DERA: variants seen among roughly 807,000 people sequenced by gnomAD.
DERA encodes deoxyribose-phosphate aldolase.
DERA carries 15 observed loss-of-function variants against 41.1 expected under a neutral mutation model. The ratio of observed to expected loss-of-function variants is 0.37; its 90% CI spans 0.24 to 0.56. DERA has a LOEUF of 0.56. Ranked by LOEUF, DERA falls within the 20% of genes least tolerant of loss-of-function variation. The pLI is 0.81. For synonymous variants in DERA, 139 were observed against 137.4 expected (o/e 1.01, Z -0.08); for missense variants, 396 against 403.4 (o/e 0.98, Z 0.16).
intron 6 of DERA, among the ~76,000 whole-genome samples, chr12:15,987,893 C>T (rs1299068567): frequency 2.6e-5 from 4 of 152,110 alleles, no homozygotes; most frequent in East Asian, 1.9e-4. Context: ...AAGCCAGGCG[C>T]GGAGTGGCAA....
Position 16,004,204 on chromosome 12 carries a change from T to C in DERA, c.637+21768T>C, listed in dbSNP as rs1948894411. 1.3e-5 allele frequency among the ~76,000 whole-genome samples: 2 copies of C among 152,252 alleles called. No individual in the cohort carries two copies. Among genetic ancestry groups the C allele is most frequent in the African/African-American group, 4.8e-5 (2 of 41,466 alleles). On this transcript the variant is annotated intron_variant, in intron 6 of 8. Transcript: ENST00000428559. This position sits in a 1 kb window ranked among gnomAD's most constrained non-coding sequence, Gnocchi z 4.2. Reference sequence around the variant, plus strand: ...GTAGAAAATATAATTGGTTTATCTTTGTAGTCAAATAGCAATTTCATATAT... The same window carrying C: ...GTAGAAAATATAATTGGTTTATCTTCGTAGTCAAATAGCAATTTCATATAT...
chr12:16,032,676 T>C, intron 7 of DERA, 22 bp downstream of exon 7: 1 of 1,383,264 alleles, frequency 7.2e-7, no homozygotes, highest in Non-Finnish European at 1.0e-6. Flanking sequence ...CCAGCAAATC[T>C]TTCTTCAGAG....
chr12:16,017,312 C>T lies in DERA; in HGVS notation c.638-15230C>T, dbSNP rs1009788545. Among the ~76,000 whole-genome samples, 1 of 152,164 alleles carries T rather than the reference C, an allele frequency of 6.6e-6. No individual in the cohort carries two copies. The highest frequency in any genetic ancestry group is 2.4e-5 in the African/African-American group (1 of 41,428). On this transcript the variant is annotated intron_variant, in intron 6 of 8. Coordinates refer to ENST00000428559, the MANE Select transcript of DERA (RefSeq NM_015954.4). This position sits in a 1 kb window ranked among gnomAD's most constrained non-coding sequence, Gnocchi z 5.5. ...TTATCGTGTTCTATTGCATTGCTAA[C>T]GTGATGGACTGGACCGACAGAGAAT...
At chr12:15,969,705 C>T (rs555967003) in intron 5 of DERA, among the ~76,000 whole-genome samples, 1 of 152,232 alleles carries the variant, frequency 6.6e-6, no homozygotes, top group Non-Finnish European at 1.5e-5. Flanking sequence ...TCCTAAAGAC[C>T]TTGAATCAGG....
intron 5 of DERA, chr12:15,971,848 C>A (rs1592027166): frequency 3.5e-6 from 1 of 287,526 alleles, no homozygotes; most frequent in South Asian, 4.0e-5. Context: ...AATTCAGGAA[C>A]CATTGCTAAA....
At chr12:15,920,367 A>G (rs1948233925) in intron 1 of DERA, among the ~76,000 whole-genome samples, 1 of 152,154 alleles carries the variant, frequency 6.6e-6, no homozygotes, top group Non-Finnish European at 1.5e-5. Flanking sequence ...GGTTAGAGGT[A>G]GTCCTGGAAT....
chr12:15,920,700 G>A (rs1948236877), intron 1 of DERA, among the ~76,000 whole-genome samples: 1 of 152,214 alleles, frequency 6.6e-6, no homozygotes, highest in Admixed American at 6.5e-5. Context: ...GGGCGTGGTG[G>A]CACATGCCTG....
In DERA at chr12:15,986,785, T is replaced by C. The variant is rs190867070; in HGVS notation, c.637+4349T>C. Among the ~76,000 whole-genome samples the C allele has an allele frequency of 9.2e-5, 14 of 152,362 alleles. No homozygotes were observed. In the East Asian group the frequency reaches 2.7e-3, roughly 29 times the overall value. ...CTAAATGTATCACTTTAGTCTTTATTTCTTCCTATAAATATGAGTTTCCAT... is the reference window on the plus strand; with the variant it reads ...CTAAATGTATCACTTTAGTCTTTATCTCTTCCTATAAATATGAGTTTCCAT... On this transcript the variant is annotated intron_variant, in intron 6 of 8. Coordinates refer to ENST00000428559, the MANE Select transcript of DERA (RefSeq NM_015954.4).
intron 5 of DERA, among the ~76,000 whole-genome samples, chr12:15,980,192 ATC>A (rs1565603755): frequency 6.6e-6 from 1 of 152,230 alleles, no homozygotes; most frequent in East Asian, 1.9e-4. Context: ...TACTTTGTAT[ATC>A]TCTCTCTCAT....
chr12:15,953,537 A>C (rs938916010), intron 1 of DERA, among the ~76,000 whole-genome samples: 4 of 152,198 alleles, frequency 2.6e-5, no homozygotes, highest in African/African-American at 9.6e-5. Context: ...CCAAAATGAC[A>C]TATTAAGGTA....
In DERA at chr12:15,972,543, G is replaced by C. The variant is rs2136156035; in HGVS notation, c.508+9596G>C. On this transcript the variant is annotated intron_variant, in intron 5 of 8. Coordinates refer to ENST00000428559, the MANE Select transcript of DERA (RefSeq NM_015954.4). The surrounding 1 kb of genome is among the most constrained non-coding windows in gnomAD (Gnocchi z 4.4). ...GGGTAGCAGAAGCTGACTTCCCGCA[G>C]ACAGCGCATGATGTACTCTAGGGAA... is the stretch of plus-strand genomic sequence containing the variant. The C allele has an allele frequency of 6.3e-6, 1 of 158,586 alleles. No individual in the cohort carries two copies. The highest frequency in any genetic ancestry group is 2.4e-5 in the African/African-American group (1 of 41,870). The allele number at this position is 158,586 out of a possible 1,614,324, so 9.8% of individuals were successfully genotyped here. A position where few individuals can be genotyped will look rare whatever the true frequency, so the allele number is the denominator to read the frequency against.
In DERA at chr12:15,984,888, A is replaced by G. The variant is rs894090433; in HGVS notation, c.637+2452A>G. On this transcript the variant is annotated intron_variant, in intron 6 of 8. Transcript: ENST00000428559. This position sits in a 1 kb window ranked among gnomAD's most constrained non-coding sequence, Gnocchi z 4.5. The stretch of plus-strand genomic sequence containing the variant: ...TATTCTTGTCCCAATTTTATATGTA[A>G]CTTGCACAAACTAATCTCCCCAAAA... Among the ~76,000 whole-genome samples the G allele has an allele frequency of 6.6e-6, 1 of 152,220 alleles. No homozygotes were observed. The highest frequency in any genetic ancestry group is 1.5e-5 in the Non-Finnish European group (1 of 68,042).
chr12:15,934,725 C>T (rs1447306983), intron 1 of DERA, among the ~76,000 whole-genome samples: 1 of 152,172 alleles, frequency 6.6e-6, no homozygotes, highest in African/African-American at 2.4e-5. Flanking sequence ...AAGTACATTT[C>T]TCAAACAACT....
intron 1 of DERA, among the ~76,000 whole-genome samples, chr12:15,919,237 G>A (rs539691843): frequency 2.0e-5 from 3 of 151,948 alleles, no homozygotes; most frequent in Admixed American, 6.6e-5. Context: ...AGTCCTCTGC[G>A]GTGCCTGCTA....
At chr12:15,923,017 C>CTTTTTTTTT (rs1208644862) in intron 1 of DERA, among the ~76,000 whole-genome samples, 1 of 104,428 alleles carries the variant, frequency 9.6e-6, no homozygotes, top group Admixed American at 1.2e-4. Flanking sequence ...TTTGTTTTTG[C>CTTTTTTTTT]TTTTTTTTTT....
intron 4 of DERA, among the ~76,000 whole-genome samples, chr12:15,961,491 C>A (rs947987733): frequency 1.3e-5 from 2 of 151,204 alleles, no homozygotes; most frequent in East Asian, 1.9e-4. Context: ...GTGTGGGCAA[C>A]AAAGATCTCT....
chr12:16,027,910 G>T (rs577076837), intron 6 of DERA, among the ~76,000 whole-genome samples: 2 of 152,310 alleles, frequency 1.3e-5, no homozygotes, highest in East Asian at 3.9e-4. Flanking sequence ...AAATTCAGTT[G>T]CTTTCCTGTC....
In DERA at chr12:15,935,273, G is replaced by A. The variant is rs925527820; in HGVS notation, c.32-21663G>A. The stretch of plus-strand genomic sequence containing the variant: ...AGGCTGAGGTGGGTGGATCACTTGA[G>A]CCCAGGAGTTCAAGACCACCCTGGG... On this transcript the variant is annotated intron_variant, in intron 1 of 8. Transcript: ENST00000428559. The surrounding 1 kb of genome is among the most constrained non-coding windows in gnomAD (Gnocchi z 4.8). 6.6e-6 allele frequency among the ~76,000 whole-genome samples: 1 copy of A among 152,098 alleles called. No individual in the cohort carries two copies. The highest frequency in any genetic ancestry group is 1.5e-5 in the Non-Finnish European group (1 of 68,040).
In DERA at chr12:15,985,422, A is replaced by G. The variant is rs1442158938; in HGVS notation, c.637+2986A>G. 1.3e-5 allele frequency: 2 copies of G among 152,106 alleles called. No individual in the cohort carries two copies. Among genetic ancestry groups the G allele is most frequent in the African/African-American group, 4.8e-5 (2 of 41,412 alleles). 9.4% of individuals were successfully genotyped at this position (152,106 alleles called of 1,614,324 possible). On this transcript the variant is annotated intron_variant, in intron 6 of 8. Coordinates refer to ENST00000428559, the MANE Select transcript of DERA (RefSeq NM_015954.4). The surrounding 1 kb of genome is among the most constrained non-coding windows in gnomAD (Gnocchi z 4.2). ...TCTGATATCTGTGGGATCTGTAGTT[A>G]TATCTCTTTCTTTATTCTTGATATT...
Sources: gnomAD v4.1 joint callset for allele counts (sites outside exome capture counted in the v4.1 genomes callset) on GRCh38, gnomAD v4.1.1 for gene constraint, Gnocchi (gnomAD v3.1) non-coding constraint, MANE v1.5 for transcripts, NCBI Gene and HGNC (gene_info 2026-07-23, HGNC 2026-07-21) for gene names.